CPPED1: variants seen among roughly 807,000 people sequenced by gnomAD.
CPPED1 encodes serine/threonine-protein phosphatase CPPED1.
A neutral mutation model predicts 28.0 loss-of-function variants in CPPED1; 28 were observed. That is an observed-to-expected ratio of 1.00 (90% CI 0.74 to 1.37). The LOEUF (loss-of-function observed/expected upper bound fraction) is 1.37. CPPED1 is among the 40% of genes most tolerant of loss of function. The pLI, the probability that CPPED1 is intolerant of heterozygous loss-of-function variation, is 0.00. For missense variants in CPPED1, 504 were observed against 416.5 expected, an observed-to-expected ratio of 1.21 and a Z score of -1.83; for synonymous variants, 198 against 180.2, an observed-to-expected ratio of 1.10 and a Z score of -0.79.
chr16:12,726,992 C>G (rs1396514503), intron 2 of CPPED1, among the ~76,000 whole-genome samples: 1 of 152,056 alleles, frequency 6.6e-6, no homozygotes, highest in Non-Finnish European at 1.5e-5. Context: ...CCAGAGCTGT[C>G]AGGGGAAGGA....
intron 1 of CPPED1, among the ~76,000 whole-genome samples, chr16:12,796,562 A>G (rs1028224495): frequency 6.6e-6 from 1 of 152,190 alleles, no homozygotes; most frequent in Non-Finnish European, 1.5e-5. Flanking sequence ...TATAATAAAA[A>G]AGAGTGGCAA....
intron 3 of CPPED1, among the ~76,000 whole-genome samples, chr16:12,675,908 T>A (rs773007050): frequency 6.6e-6 from 1 of 152,228 alleles, no homozygotes; most frequent in Non-Finnish European, 1.5e-5. Flanking sequence ...TAATCCCTCC[T>A]GCCGGTAAAG....
At chr16:12,669,081 A>C (rs2079840762) in intron 3 of CPPED1, among the ~76,000 whole-genome samples, 1 of 152,236 alleles carries the variant, frequency 6.6e-6, no homozygotes, top group Admixed American at 6.5e-5. Context: ...AGCAACCTAA[A>C]TGTCCATCAG....
chr16:12,800,805 T>C (rs969529531), intron 1 of CPPED1, among the ~76,000 whole-genome samples: 92 of 152,268 alleles, frequency 6.0e-4, no homozygotes, highest in African/African-American at 2.1e-3. Context: ...ACTCTCACAC[T>C]TGCTCTGCCC....
At chr16:12,746,446 T>G (rs2080288928) in intron 2 of CPPED1, among the ~76,000 whole-genome samples, 1 of 151,456 alleles carries the variant, frequency 6.6e-6, no homozygotes, top group African/African-American at 2.4e-5. Flanking sequence ...CATAAAAACT[T>G]TCACAGACAT....
Position 12,781,399 on chromosome 16 carries a change from C to T in CPPED1, c.75G>A (p.Lys25=), listed in dbSNP as rs1474850079. 1 of 1,611,002 alleles carries T rather than the reference C, an allele frequency of 6.2e-7. No homozygotes were observed. Among genetic ancestry groups the T allele is most frequent in the Non-Finnish European group, 8.5e-7 (1 of 1,179,026 alleles). ...AGAATGGGCCTTTCCATTCGCTTTC[C>T]TTTTCTTAAAAAAAGAGAGAGGGAG... ...GRTLAAFPAE[K]ESEWKGPFYF... The change falls in exon 2 of 4, where the codon AAG becomes AAA. Residue 25 remains lysine, a synonymous_variant. Coordinates refer to ENST00000381774, the MANE Select transcript of CPPED1 (RefSeq NM_018340.3).
intron 2 of CPPED1, chr16:12,760,991 T>A (rs1390675104): frequency 6.6e-6 from 1 of 151,720 alleles, no homozygotes; most frequent in Admixed American, 6.5e-5. Context: ...CTGGCTGTCA[T>A]TAAGTTCCAG....
At chr16:12,785,322 T>G (rs2080556156) in intron 1 of CPPED1, among the ~76,000 whole-genome samples, 1 of 152,116 alleles carries the variant, frequency 6.6e-6, no homozygotes, top group South Asian at 2.1e-4. Flanking sequence ...CAGTCATGGC[T>G]CCCTGCAGCC....
At chr16:12,740,830 AGCCCCTGGTCCGGGAGGGTGCT>A (rs996493994) in intron 2 of CPPED1, among the ~76,000 whole-genome samples, 2 of 152,176 alleles carry the variant, frequency 1.3e-5, no homozygotes, top group African/African-American at 4.8e-5. Flanking sequence ...AAGGTTAGAA[AGCCCCTGGTCCGGGAGGGTGCT>A]GCTGGGCTGC....
At chr16:12,742,114 T>A (rs2080259316) in intron 2 of CPPED1, among the ~76,000 whole-genome samples, 1 of 152,120 alleles carries the variant, frequency 6.6e-6, no homozygotes. Context: ...CAAAAATAGA[T>A]ATATTCTTAC....
rs1313509139 is a variant in CPPED1, at chr16:12,781,215, G to T, written c.259C>A (p.Leu87Met). ...ATGGCGTGGATGAGGTCGCCGCACA[G>T]AACGAAGAATTTGGGTTTGGGGTTC... ...KLNPKPKFFVLCGDLIHAMPG... is the reference protein window; with the variant it reads ...KLNPKPKFFVMCGDLIHAMPG... Residue 87 changes from leucine to methionine, a missense_variant, in exon 2 of 4, where the codon CTG becomes ATG. Leu to Met is a conservative substitution (Grantham distance 15). Transcript: ENST00000381774. The T allele has an allele frequency of 3.1e-6, 5 of 1,613,976 alleles. No individual in the cohort carries two copies. Among genetic ancestry groups the T allele is most frequent in the Non-Finnish European group, 4.2e-6 (5 of 1,179,948 alleles).
At chr16:12,683,540 A>C (rs1487457000) in intron 3 of CPPED1, among the ~76,000 whole-genome samples, 2 of 152,176 alleles carry the variant, frequency 1.3e-5, no homozygotes, top group Non-Finnish European at 2.9e-5. Flanking sequence ...CAAGCTCTGC[A>C]AACTCAACCC....
chr16:12,707,341 T>C (rs867625561), intron 2 of CPPED1, among the ~76,000 whole-genome samples: 5 of 152,148 alleles, frequency 3.3e-5, no homozygotes, highest in South Asian at 2.1e-4. Flanking sequence ...CAGGCACTGT[T>C]CTCAGAGCTG....
chr16:12,723,117 A>G (rs1162941184), intron 2 of CPPED1, among the ~76,000 whole-genome samples: 1 of 152,144 alleles, frequency 6.6e-6, no homozygotes, highest in Non-Finnish European at 1.5e-5. Flanking sequence ...GTATGTGCGC[A>G]CACACACCGC....
At chr16:12,748,368 A>G (rs2080304844) in intron 2 of CPPED1, among the ~76,000 whole-genome samples, 1 of 152,340 alleles carries the variant, frequency 6.6e-6, no homozygotes, top group Non-Finnish European at 1.5e-5. Flanking sequence ...CTGTAAAAGA[A>G]AATATGTGAG....
chr16:12,746,372 T>TG (rs1215628342), intron 2 of CPPED1, among the ~76,000 whole-genome samples: 1 of 29,028 alleles, frequency 3.4e-5, no homozygotes, highest in Non-Finnish European at 7.0e-5. Flanking sequence ...AGACTCTGAC[T>TG]CAAAAAAAAA....
chr16:12,735,354 T>A (rs146900493), intron 2 of CPPED1, among the ~76,000 whole-genome samples: 4 of 152,228 alleles, frequency 2.6e-5, no homozygotes, highest in African/African-American at 9.6e-5. Context: ...CACAGTGGCA[T>A]GATCTCGGCT....
chr16:12,752,185 G>C (rs192303509), intron 2 of CPPED1, among the ~76,000 whole-genome samples: 5 of 152,122 alleles, frequency 3.3e-5, no homozygotes, highest in African/African-American at 1.2e-4. Flanking sequence ...AATATAAAAA[G>C]GCTCCTGCTT....
Position 12,664,388 on chromosome 16 carries a change from G to GCA in CPPED1, c.*497_*498insTG, listed in dbSNP as rs2079813150. 1 of 1,004,258 alleles carries GCA rather than the reference G, an allele frequency of 1.0e-6. No individual in the cohort carries two copies. Among genetic ancestry groups the GCA allele is most frequent in the Non-Finnish European group, 1.2e-6 (1 of 843,200 alleles). 62.2% of individuals were successfully genotyped at this position (1,004,258 alleles called of 1,614,324 possible). On this transcript the variant is annotated 3_prime_UTR_variant, in exon 4 of 4. Transcript: ENST00000381774. This position sits in a 1 kb window ranked among gnomAD's most constrained non-coding sequence, Gnocchi z 4.2. ...AAGTCTGCATGGCTCTCACAACAAG[G>GCA]GAGACAGCTGTTCGTTCCGCTGGAA...
Sources: gnomAD v4.1 joint callset for allele counts (sites outside exome capture counted in the v4.1 genomes callset) on GRCh38, gnomAD v4.1.1 for gene constraint, Gnocchi (gnomAD v3.1) non-coding constraint, MANE v1.5 for transcripts, NCBI Gene and HGNC (gene_info 2026-07-23, HGNC 2026-07-21) for gene names.